The following ARHGAP39 variants were observed in gnomAD, a reference collection of about 807,000 sequenced individuals.
ARHGAP39 encodes the protein Rho GTPase activating protein 39.
ARHGAP39 carries 44 observed loss-of-function variants against 106.9 expected under a neutral mutation model. That is an observed-to-expected ratio of 0.41 (90% CI 0.32 to 0.53). The LOEUF is 0.53. Among genes scored for constraint, ARHGAP39 ranks in the 20% least tolerant of loss-of-function variants. ARHGAP39 has a pLI of 0.21. For missense variants in ARHGAP39, 1,496 were observed against 1,577.3 expected (o/e 0.95, Z 0.87); for synonymous variants, 768 against 693.2 (o/e 1.11, Z -1.69).
upstream of ARHGAP39, among the ~76,000 whole-genome samples, chr8:144,687,316 G>A (rs1230753046): frequency 1.1e-4 from 3 of 28,232 alleles, no homozygotes; most frequent in African/African-American, 5.3e-4. Context: ...ACCACGCACT[G>A]GCGGCGAGCA....
intron 1 of ARHGAP39, among the ~76,000 whole-genome samples, chr8:144,685,122 C>G (rs981381592): frequency 6.7e-6 from 1 of 148,550 alleles, no homozygotes; most frequent in African/African-American, 2.6e-5. Flanking sequence ...CAGGGGCACA[C>G]TCACACCCAT....
chr8:144,605,728 G>A, intron 1 of ARHGAP39, 33 bp from the exon 2 acceptor site: 5 of 996,446 alleles, frequency 5.0e-6, no homozygotes, highest in Non-Finnish European at 7.7e-6. Context: ...GTGCTGATAT[G>A]GAAGACGCCT....
chr8:144,637,711 CT>C (rs544955777), intron 1 of ARHGAP39, among the ~76,000 whole-genome samples: 256 of 148,558 alleles, frequency 1.7e-3, no homozygotes, highest in Non-Finnish European at 2.5e-3. Flanking sequence ...CTCTCTCTCT[CT>C]TTTTTTTTTA....
At position 144,623,077 on chromosome 8, in the gene ARHGAP39, AC is replaced by A. The variant is rs1335031053; in HGVS notation, c.-81-17383del. Among the ~76,000 whole-genome samples the A allele has an allele frequency of 2.0e-5, 3 of 152,362 alleles. No homozygotes were observed. The East Asian group carries it at 5.8e-4, about 29-fold the overall frequency. ...AACGGGGAGGGCAAGTCCTGTGTGGACGGAGTGCTCAGAATAAAATGTTCCT... is the reference window on the plus strand; with the variant it reads ...AACGGGGAGGGCAAGTCCTGTGTGGAGGAGTGCTCAGAATAAAATGTTCCT... On this transcript the variant is annotated intron_variant, in intron 1 of 11. Coordinates refer to ENST00000377307, the MANE Select transcript of ARHGAP39 (RefSeq NM_025251.3).
rs1409191721 is a variant in ARHGAP39 at position 144,684,045 on chromosome 8, T to TTTG, written c.-82+1640_-82+1641insCAA. Among the ~76,000 whole-genome samples the TTTG allele has an allele frequency of 4.6e-5, 7 of 152,236 alleles. No homozygotes were observed. The highest frequency in any genetic ancestry group is 1.0e-4 in the Non-Finnish European group (7 of 68,038). On this transcript the variant is annotated intron_variant, in intron 1 of 11. Coordinates refer to ENST00000377307, the MANE Select transcript of ARHGAP39 (RefSeq NM_025251.3). The surrounding 1 kb of genome is among the most constrained non-coding windows in gnomAD (Gnocchi z 4.4). ...ATGAGAAGCCAAAGGCACAGAGACC[T>TTTG]TGCCGAAGACCACAAAGCCAGTAAA...
At chr8:144,542,367 G>A (rs1486218099) in intron 6 of ARHGAP39, among the ~76,000 whole-genome samples, 4 of 152,156 alleles carry the variant, frequency 2.6e-5, no homozygotes, top group Admixed American at 2.6e-4. Context: ...CACAGTGCAG[G>A]TCACGCAGGT....
chr8:144,698,605 G>GT, the ARHGAP39 span: 101,799 of 259,168 alleles, frequency 0.39, 15,674 homozygotes, highest in African/African-American at 0.45. Context: ...TCTCTAATCT[G>GT]TTTTTTTTTT....
chr8:144,597,626 G>A (rs769896653), intron 2 of ARHGAP39, among the ~76,000 whole-genome samples: 5 of 152,218 alleles, frequency 3.3e-5, no homozygotes, highest in Non-Finnish European at 4.4e-5. Flanking sequence ...TAATCAATGG[G>A]GCCGGGATTG....
chr8:144,575,193 G>A (rs1818727537), intron 3 of ARHGAP39, among the ~76,000 whole-genome samples: 2 of 152,216 alleles, frequency 1.3e-5, no homozygotes, highest in Non-Finnish European at 2.9e-5. Flanking sequence ...CAGTTGCCGT[G>A]CGTGTCGGTG....
chr8:144,558,961 C>T lies in ARHGAP39; in HGVS notation c.513-3318G>A, dbSNP rs376584769. 3.6e-4 allele frequency among the ~76,000 whole-genome samples: 55 copies of T among 152,152 alleles called. No individual in the cohort carries two copies. The East Asian group carries it at 9.3e-3, about 26-fold the overall frequency. ...ACGGTAGCTTACACTGTAATCCCAG[C>T]ACTTTGGGAGGCCAAGGTGGGCGGA... On this transcript the variant is annotated intron_variant, in intron 3 of 11. Transcript: ENST00000377307.
chr8:144,537,657 G>A (rs554133355), intron 7 of ARHGAP39, 64 bp downstream of exon 7: 30 of 1,396,438 alleles, frequency 2.1e-5, no homozygotes, highest in Non-Finnish European at 2.9e-5. Context: ...AAGGCCAGGC[G>A]GCCGAGGCTG....
intron 4 of ARHGAP39, among the ~76,000 whole-genome samples, chr8:144,554,128 G>A (rs189179892): frequency 5.9e-4 from 90 of 152,368 alleles, no homozygotes; most frequent in African/African-American, 1.9e-3. Context: ...CAGGAAGTGC[G>A]CCAGTGGAGG....
intron 6 of ARHGAP39, among the ~76,000 whole-genome samples, chr8:144,538,143 G>A (rs1158693108): frequency 2.0e-5 from 3 of 152,238 alleles, no homozygotes; most frequent in African/African-American, 7.2e-5. Flanking sequence ...CCCTCTGGCT[G>A]GCAGCAAGGC....
intron 1 of ARHGAP39, among the ~76,000 whole-genome samples, chr8:144,681,990 C>T (rs1158053901): frequency 3.3e-5 from 5 of 152,172 alleles, no homozygotes; most frequent in East Asian, 1.9e-4. Flanking sequence ...ACTTCTCGGC[C>T]GGGTGCGGTG....
At chr8:144,537,095 G>A (rs990381229) in intron 7 of ARHGAP39, among the ~76,000 whole-genome samples, 3 of 152,158 alleles carry the variant, frequency 2.0e-5, no homozygotes, top group African/African-American at 7.2e-5. Flanking sequence ...GCTCTCAAAA[G>A]GGAGAGCACA....
chr8:144,597,606 G>T (rs761840372), intron 2 of ARHGAP39, among the ~76,000 whole-genome samples: 52 of 152,206 alleles, frequency 3.4e-4, no homozygotes, highest in Non-Finnish European at 6.6e-4. Flanking sequence ...GGATCAGGGG[G>T]TCAAGACTGT....
At chr8:144,614,900 T>C (rs1409234483) in intron 1 of ARHGAP39, among the ~76,000 whole-genome samples, 1 of 152,160 alleles carries the variant, frequency 6.6e-6, no homozygotes, top group African/African-American at 2.4e-5. Flanking sequence ...TTCCAGGTGT[T>C]CCCTTACTGT....
rs138435535 is a variant in ARHGAP39 at position 144,550,265 on chromosome 8, A to G, written c.597-1776T>C. ...TCTCCAGCCTGGGTGACAGAGTGAG[A>G]CCCTGTCTAAAAAAAAGTAAATAAA... On this transcript the variant is annotated intron_variant, in intron 4 of 11. Transcript: ENST00000377307. 8.0e-3 allele frequency among the ~76,000 whole-genome samples: 1,214 copies of G among 151,908 alleles called. 10 individuals are homozygous for G. Among genetic ancestry groups the G allele is most frequent in the African/African-American group, 0.022 (923 of 41,386 alleles).
At chr8:144,656,299 C>T (rs554543277) in intron 1 of ARHGAP39, among the ~76,000 whole-genome samples, 1 of 151,646 alleles carries the variant, frequency 6.6e-6, no homozygotes, top group South Asian at 2.1e-4. Context: ...TCAAAACCAC[C>T]CTGCTCAACA....
Sources: gnomAD v4.1 joint callset for allele counts (sites outside exome capture counted in the v4.1 genomes callset) on GRCh38, gnomAD v4.1.1 for gene constraint, Gnocchi (gnomAD v3.1) non-coding constraint, MANE v1.5 for transcripts, NCBI Gene and HGNC (gene_info 2026-07-23, HGNC 2026-07-21) for gene names.